Variants in TMEM178B observed in about 807,000 individuals in gnomAD.
The protein encoded by TMEM178B is transmembrane protein 178B.
TMEM178B carries 5 observed loss-of-function variants against 31.0 expected under a neutral mutation model. The observed-to-expected ratio is 0.16, with a 90% CI of 0.08 to 0.34. The LOEUF (loss-of-function observed/expected upper bound fraction) is 0.34, where lower values mean the gene tolerates loss of function less well. TMEM178B is among the 10% of genes least tolerant of loss of function. The pLI is 1.00. For synonymous variants in TMEM178B, 164 were observed against 164.0 expected (o/e 1.00, Z 0.00); for missense variants, 275 against 400.3 (o/e 0.69, Z 2.67).
chr7:141,088,612 C>T (rs868174161), intron 1 of TMEM178B, among the ~76,000 whole-genome samples: 10 of 152,254 alleles, frequency 6.6e-5, no homozygotes, highest in South Asian at 6.2e-4. Flanking sequence ...TGGATATCTC[C>T]ACTAGGATCA....
At chr7:141,119,793 C>T (rs1045899231) in intron 1 of TMEM178B, among the ~76,000 whole-genome samples, 5 of 152,084 alleles carry the variant, frequency 3.3e-5, no homozygotes, top group African/African-American at 1.2e-4. Context: ...GGATTGGATA[C>T]CCTCTGGTGC....
At chr7:141,182,995 A>G (rs1224914392) in intron 1 of TMEM178B, among the ~76,000 whole-genome samples, 22 of 152,220 alleles carry the variant, frequency 1.4e-4, no homozygotes. Flanking sequence ...AATGATGTTC[A>G]TCAGACATTG....
At chr7:141,103,250 G>A (rs1795087476) in intron 1 of TMEM178B, among the ~76,000 whole-genome samples, 1 of 152,204 alleles carries the variant, frequency 6.6e-6, no homozygotes, top group Non-Finnish European at 1.5e-5. Flanking sequence ...TCACAATTGT[G>A]GTTGTAGATC....
At chr7:141,261,186 G>A (rs1422016933) in intron 2 of TMEM178B, among the ~76,000 whole-genome samples, 2 of 152,144 alleles carry the variant, frequency 1.3e-5, no homozygotes, top group East Asian at 1.9e-4. Context: ...TTTGTTTGGG[G>A]CACAAAGTTT....
At chr7:141,193,540 G>A (rs1411241635) in intron 1 of TMEM178B, among the ~76,000 whole-genome samples, 3 of 152,244 alleles carry the variant, frequency 2.0e-5, no homozygotes, top group Admixed American at 6.5e-5. Flanking sequence ...TAGCTCTTAT[G>A]TTTGGGAAGT....
chr7:141,227,150 G>A (rs1797356869), intron 2 of TMEM178B, among the ~76,000 whole-genome samples: 1 of 152,224 alleles, frequency 6.6e-6, no homozygotes. Flanking sequence ...CAGTGACACA[G>A]ACTCAGGACG....
At chr7:141,429,753 T>G (rs968748686) in intron 2 of TMEM178B, 1 of 152,256 alleles carries the variant, frequency 6.6e-6, no homozygotes, top group African/African-American at 2.4e-5. Flanking sequence ...GAGCTAGATT[T>G]AACCTTTGCA....
At chr7:141,280,202 AT>A (rs573676964) in intron 2 of TMEM178B, among the ~76,000 whole-genome samples, 45 of 149,236 alleles carry the variant, frequency 3.0e-4, no homozygotes, top group African/African-American at 6.9e-4. Context: ...TTAAAGCATG[AT>A]TTTTTTTTTT....
chr7:141,424,370 C>G (rs1389320977), intron 2 of TMEM178B, among the ~76,000 whole-genome samples: 1 of 152,212 alleles, frequency 6.6e-6, no homozygotes, highest in Non-Finnish European at 1.5e-5. Flanking sequence ...AGGTGAACAT[C>G]TCCACAGTAC....
At chr7:141,342,812 C>T (rs764727994) in intron 2 of TMEM178B, among the ~76,000 whole-genome samples, 6 of 152,194 alleles carry the variant, frequency 3.9e-5, no homozygotes, top group Non-Finnish European at 7.3e-5. Flanking sequence ...TTCAGTTTCT[C>T]TCAGCTTGAT....
intron 1 of TMEM178B, among the ~76,000 whole-genome samples, chr7:141,192,520 A>G (rs1177772717): frequency 2.7e-5 from 4 of 147,024 alleles, no homozygotes; most frequent in South Asian, 2.1e-4. Flanking sequence ...ACAGAGTCTC[A>G]CTCTGTCGCC....
intron 2 of TMEM178B, among the ~76,000 whole-genome samples, chr7:141,319,471 G>A (rs1380066805): frequency 6.6e-6 from 1 of 152,242 alleles, no homozygotes; most frequent in Non-Finnish European, 1.5e-5. Context: ...GTGGAAAGAT[G>A]TAATATAGAG....
intron 2 of TMEM178B, among the ~76,000 whole-genome samples, chr7:141,281,811 A>G (rs1798366443): frequency 6.6e-6 from 1 of 152,176 alleles, no homozygotes; most frequent in African/African-American, 2.4e-5. Context: ...CAAGTGAATG[A>G]GAGGAGAGCA....
At chr7:141,097,481 A>C (rs568318626) in intron 1 of TMEM178B, among the ~76,000 whole-genome samples, 3 of 152,108 alleles carry the variant, frequency 2.0e-5, no homozygotes, top group Non-Finnish European at 4.4e-5. Flanking sequence ...AATAAAGAAT[A>C]AATTCAGTAC....
intron 2 of TMEM178B, among the ~76,000 whole-genome samples, chr7:141,252,427 C>T (rs1447202878): frequency 6.6e-6 from 1 of 152,150 alleles, no homozygotes; most frequent in African/African-American, 2.4e-5. Context: ...ACGAGGGAGG[C>T]ATGTGAAATT....
At chr7:141,081,411 G>T (rs1794682628) in intron 1 of TMEM178B, among the ~76,000 whole-genome samples, 1 of 152,144 alleles carries the variant, frequency 6.6e-6, no homozygotes, top group Non-Finnish European at 1.5e-5. Context: ...GAGGTGGGTG[G>T]ATCACCTGAG....
chr7:141,199,035 G>A (rs1269317927), intron 1 of TMEM178B, among the ~76,000 whole-genome samples: 5 of 152,174 alleles, frequency 3.3e-5, no homozygotes, highest in Admixed American at 6.5e-5. Flanking sequence ...ATACATGAGC[G>A]AAGTGGGGAA....
chr7:141,440,847 G>A (rs1314252318), intron 3 of TMEM178B, among the ~76,000 whole-genome samples: 5 of 152,298 alleles, frequency 3.3e-5, no homozygotes, highest in African/African-American at 1.2e-4. Flanking sequence ...TTGTCCTGGT[G>A]CGTTGTTACT....
At chr7:141,431,923 A>G (rs1586956006) in intron 2 of TMEM178B, among the ~76,000 whole-genome samples, 1 of 152,200 alleles carries the variant, frequency 6.6e-6, no homozygotes, top group East Asian at 1.9e-4. Context: ...GGGCAGGAAT[A>G]CATGCACAGG....
Sources: allele counts gnomAD v4.1 joint callset (sites outside exome capture counted in the v4.1 genomes callset), GRCh38; gene constraint gnomAD v4.1.1; transcripts MANE v1.5; gene names NCBI Gene and HGNC (gene_info 2026-07-23, HGNC 2026-07-21).